MYO6: variants seen among roughly 807,000 people sequenced by gnomAD.
MYO6 encodes the protein unconventional myosin-VI.
In MYO6, 74 loss-of-function variants were observed where a neutral mutation model predicts 178.7. The observed-to-expected ratio is 0.41, with a 90% CI of 0.34 to 0.50. MYO6 has a LOEUF of 0.50. Among genes scored for constraint, MYO6 ranks in the 20% least tolerant of loss-of-function variants. The pLI, the probability that MYO6 is intolerant of heterozygous loss-of-function variation, is 0.09. For missense variants in MYO6, 1,330 were observed against 1,547.4 expected, an observed-to-expected ratio of 0.86 and a Z score of 2.36; for synonymous variants, 477 against 504.6, an observed-to-expected ratio of 0.95 and a Z score of 0.73.
chr6:75,903,682 G>A (rs9447575), intron 30 of MYO6, among the ~76,000 whole-genome samples: 51,090 of 151,404 alleles, frequency 0.34, 9,511 homozygotes, highest in Admixed American at 0.48. Flanking sequence ...TCTTTATCCA[G>A]TTTGCCAGTC....
At chr6:75,898,257 G>T in intron 29 of MYO6, 116 bp from the exon 30 acceptor site, 1 of 677,638 alleles carries the variant, frequency 1.5e-6, no homozygotes, top group South Asian at 2.6e-5. Flanking sequence ...AAACAGTTAT[G>T]AACAGTTGTT....
intron 1 of MYO6, among the ~76,000 whole-genome samples, chr6:75,753,581 T>C (rs1396017940): frequency 6.6e-6 from 1 of 151,720 alleles, no homozygotes; most frequent in Non-Finnish European, 1.5e-5. Flanking sequence ...CCCACCTCAG[T>C]CTCCGGAGTA....
chr6:75,781,510 C>T (rs1014331152), intron 1 of MYO6, among the ~76,000 whole-genome samples: 1 of 152,204 alleles, frequency 6.6e-6, no homozygotes, highest in African/African-American at 2.4e-5. Flanking sequence ...GTTCCTCCAT[C>T]TCCAGCATGG....
intron 7 of MYO6, among the ~76,000 whole-genome samples, chr6:75,836,275 C>T (rs1484811922): frequency 6.6e-6 from 1 of 152,046 alleles, no homozygotes; most frequent in Non-Finnish European, 1.5e-5. Context: ...TTTTATGGAG[C>T]TTGTTTTGTG....
intron 23 of MYO6, among the ~76,000 whole-genome samples, chr6:75,882,422 TGATGTCTTTCAA>T (rs1375366000): frequency 2.0e-5 from 3 of 152,180 alleles, no homozygotes; most frequent in Non-Finnish European, 4.4e-5. Context: ...CTAAATTATT[TGATGTCTTTCAA>T]GATCATGTAA....
chr6:75,800,796 C>G (rs543324668), intron 1 of MYO6, among the ~76,000 whole-genome samples: 89 of 152,262 alleles, frequency 5.8e-4, no homozygotes, highest in African/African-American at 2.1e-3. Flanking sequence ...TCTTGACTCA[C>G]TACAATCTCC....
chr6:75,756,625 G>C (rs1040898627), intron 1 of MYO6, among the ~76,000 whole-genome samples: 4 of 152,106 alleles, frequency 2.6e-5, no homozygotes, highest in Non-Finnish European at 4.4e-5. Flanking sequence ...GAGCCACTGT[G>C]CCTGGCCAAT....
chr6:75,795,921 A>G (rs1390798272), intron 1 of MYO6, among the ~76,000 whole-genome samples: 4 of 152,230 alleles, frequency 2.6e-5, no homozygotes, highest in Non-Finnish European at 5.9e-5. Context: ...TGATTGCTCT[A>G]CTGAATTTGC....
At chr6:75,781,677 A>G (rs1348606410) in intron 1 of MYO6, among the ~76,000 whole-genome samples, 1 of 151,966 alleles carries the variant, frequency 6.6e-6, no homozygotes, top group Non-Finnish European at 1.5e-5. Context: ...ATCCCAGCAC[A>G]TTGGGAGGCT....
Position 75,812,457 on chromosome 6 carries a change from C to T in MYO6, c.-47-5044C>T, listed in dbSNP as rs527591679. Among the ~76,000 whole-genome samples, 15 of 152,144 alleles carry T rather than the reference C, an allele frequency of 9.9e-5. No individual in the cohort carries two copies. In the South Asian group the frequency reaches 2.7e-3, roughly 27 times the overall value. On this transcript the variant is annotated intron_variant, in intron 1 of 34. Transcript: ENST00000369977. ...GATTTATTCTTTCTTTGTACCACAA[C>T]GATCCAAGTATACTATTTTAGTTAT...
intron 30 of MYO6, among the ~76,000 whole-genome samples, chr6:75,902,252 G>T (rs1446457527): frequency 6.6e-6 from 1 of 152,136 alleles, no homozygotes; most frequent in African/African-American, 2.4e-5. Context: ...AATGAGTTAG[G>T]GAGGATTCCC....
intron 16 of MYO6, 63 bp from the exon 17 acceptor site, chr6:75,866,463 T>TAA: frequency 1.5e-6 from 2 of 1,327,128 alleles, no homozygotes; most frequent in Non-Finnish European, 2.2e-6. Context: ...AGTTGTTTTG[T>TAA]AAAGAATGAT....
chr6:75,753,518 G>C (rs1777081270), intron 1 of MYO6, among the ~76,000 whole-genome samples: 1 of 151,208 alleles, frequency 6.6e-6, no homozygotes, highest in Non-Finnish European at 1.5e-5. Flanking sequence ...GCCACATGCA[G>C]TGGCATGATC....
At chr6:75,799,368 C>T (rs900699475) in intron 1 of MYO6, among the ~76,000 whole-genome samples, 2 of 143,862 alleles carry the variant, frequency 1.4e-5, no homozygotes, top group African/African-American at 2.6e-5. Context: ...CCACCCCGGA[C>T]GACAAGAGCA....
At chr6:75,796,335 T>C (rs1007504180) in intron 1 of MYO6, among the ~76,000 whole-genome samples, 1 of 152,238 alleles carries the variant, frequency 6.6e-6, no homozygotes, top group Non-Finnish European at 1.5e-5. Context: ...TTTTTCCCCC[T>C]TCTTCCTCTC....
At chr6:75,818,359 C>T (rs1369606039) in intron 2 of MYO6, among the ~76,000 whole-genome samples, 1 of 152,146 alleles carries the variant, frequency 6.6e-6, no homozygotes, top group Non-Finnish European at 1.5e-5. Flanking sequence ...AACTTCACTC[C>T]ATTCTCAGAG....
chr6:75,822,827 A>G lies in MYO6; in HGVS notation c.163A>G (p.Ser55Gly), dbSNP rs774802052. Residue 55 changes from serine (S) to glycine (G), a missense_variant, in exon 3 of 35, where the codon AGT (serine) becomes GGT (glycine). Ser to Gly is a moderately conservative substitution (Grantham distance 56). Coordinates refer to ENST00000369977, the MANE Select transcript of MYO6 (RefSeq NM_004999.4). The part of the protein sequence containing the change: ...INQVFPAEED[S>G]KKDVEDNCSL... ...CCAAGTGTTTCCTGCAGAAGAGGAC[A>G]GTAAAAAAGATGTGGAAGATAACTG... is the stretch of plus-strand genomic sequence containing the variant. 5.3e-5 allele frequency: 85 copies of G among 1,613,332 alleles called. No individual in the cohort carries two copies. The highest frequency in any genetic ancestry group is 6.9e-5 in the Non-Finnish European group (81 of 1,179,572).
At chr6:75,866,717 G>T in intron 17 of MYO6, 96 bp downstream of exon 17, 1 of 1,218,464 alleles carries the variant, frequency 8.2e-7, no homozygotes, top group South Asian at 1.2e-5. Flanking sequence ...ATTATTTCAC[G>T]TGGTTATTTA....
intron 22 of MYO6, among the ~76,000 whole-genome samples, chr6:75,880,494 C>G (rs12202491): frequency 0.13 from 19,510 of 152,060 alleles, 1,336 homozygotes; most frequent in Non-Finnish European, 0.15. Context: ...AAAACAATTG[C>G]AATAAAAATC....
Sources: allele counts gnomAD v4.1 joint callset (sites outside exome capture counted in the v4.1 genomes callset), GRCh38; gene constraint gnomAD v4.1.1; transcripts MANE v1.5; gene names NCBI Gene and HGNC (gene_info 2026-07-23, HGNC 2026-07-21).